Variants in DCDC1 observed in about 807,000 individuals in gnomAD.
DCDC1 encodes the protein doublecortin domain-containing protein 1.
A neutral mutation model predicts 178.3 loss-of-function variants in DCDC1; 200 were observed. The ratio of observed to expected loss-of-function variants is 1.12; its 90% CI spans 1.00 to 1.26. The LOEUF (loss-of-function observed/expected upper bound fraction) is 1.26. Ranked by LOEUF, DCDC1 falls within the 50% of genes most tolerant of loss-of-function variation. DCDC1 has a pLI of 0.00. For synonymous variants in DCDC1, 690 were observed against 604.8 expected, an observed-to-expected ratio of 1.14 and a Z score of -2.07; for missense variants, 1,983 against 1,749.2, an observed-to-expected ratio of 1.13 and a Z score of -2.38.
chr11:31,127,660 G>A (rs1209255366), intron 10 of DCDC1, 21 bp from the exon 11 acceptor site: 1 of 699,704 alleles, frequency 1.4e-6, no homozygotes, highest in African/African-American at 1.7e-5. Flanking sequence ...TAAATTACAA[G>A]AGTTGTTAGC....
chr11:31,195,127 C>A (rs1056403789), intron 9 of DCDC1, among the ~76,000 whole-genome samples: 3 of 152,016 alleles, frequency 2.0e-5, no homozygotes, highest in African/African-American at 7.2e-5. Flanking sequence ...ATACACGTTT[C>A]TAAGGTGAAA....
chr11:30,893,144 T>C (rs908988951), intron 35 of DCDC1, 147 bp from the exon 36 acceptor site: 20 of 779,342 alleles, frequency 2.6e-5, no homozygotes, highest in Non-Finnish European at 3.7e-5. Flanking sequence ...CATTAGCCTC[T>C]CTTGTCACTG....
At chr11:31,005,629 AG>A (rs1951794332) in intron 20 of DCDC1, among the ~76,000 whole-genome samples, 1 of 152,142 alleles carries the variant, frequency 6.6e-6, no homozygotes, top group South Asian at 2.1e-4. Context: ...TAGTATATCA[AG>A]GGGGTAAAAT....
intron 9 of DCDC1, among the ~76,000 whole-genome samples, chr11:31,221,295 G>A (rs770225569): frequency 6.6e-6 from 1 of 152,092 alleles, no homozygotes; most frequent in Non-Finnish European, 1.5e-5. Context: ...CTGTAAACTT[G>A]TGAAACTAGA....
At chr11:31,059,253 A>C (rs1178365543) in intron 20 of DCDC1, among the ~76,000 whole-genome samples, 1 of 152,166 alleles carries the variant, frequency 6.6e-6, no homozygotes, top group African/African-American at 2.4e-5. Context: ...AGATGCAATT[A>C]CATTATTTGT....
chr11:31,162,703 A>G (rs1966417518), intron 9 of DCDC1, among the ~76,000 whole-genome samples: 1 of 152,184 alleles, frequency 6.6e-6, no homozygotes, highest in African/African-American at 2.4e-5. Context: ...CAAAACCAGC[A>G]ATGTATTTCT....
intron 1 of DCDC1, among the ~76,000 whole-genome samples, chr11:31,353,821 G>A (rs901739165): frequency 6.6e-6 from 1 of 152,078 alleles, no homozygotes; most frequent in Non-Finnish European, 1.5e-5. Flanking sequence ...TTGATTACTG[G>A]ATAATAACAA....
chr11:31,021,604 G>A (rs1235150682), intron 20 of DCDC1, among the ~76,000 whole-genome samples: 5 of 152,102 alleles, frequency 3.3e-5, no homozygotes, highest in East Asian at 1.9e-4. Flanking sequence ...ATTTTTTGGT[G>A]GAAGTGGGAA....
chr11:30,867,948 G>A (rs367945980), intron 38 of DCDC1, among the ~76,000 whole-genome samples: 11 of 152,246 alleles, frequency 7.2e-5, no homozygotes, highest in Non-Finnish European at 1.5e-4. Flanking sequence ...CGGCCAGTCA[G>A]CATCAAGTTG....
intron 33 of DCDC1, 97 bp downstream of exon 33, chr11:30,900,246 ATAT>A: frequency 9.3e-7 from 1 of 1,079,248 alleles, no homozygotes; most frequent in South Asian, 2.7e-5. Context: ...TATTATGTTG[ATAT>A]TATACACATT....
At chr11:30,911,528 T>C (rs1945448179) in intron 27 of DCDC1, 108 bp from the exon 28 acceptor site, 3 of 789,044 alleles carry the variant, frequency 3.8e-6, no homozygotes, top group South Asian at 3.0e-5. Flanking sequence ...TGCTCTGTAA[T>C]AATGAATGTG....
intron 24 of DCDC1, 73 bp downstream of exon 24, chr11:30,922,430 C>T: frequency 2.1e-6 from 3 of 1,407,228 alleles, no homozygotes; most frequent in Non-Finnish European, 2.8e-6. Context: ...CAAACTTTGA[C>T]TTTTTAAAAA....
intron 20 of DCDC1, among the ~76,000 whole-genome samples, chr11:30,954,563 T>C (rs1590526114): frequency 1.3e-5 from 2 of 152,222 alleles, no homozygotes; most frequent in East Asian, 3.9e-4. Flanking sequence ...CAATTGTATT[T>C]ATAATTAAAG....
At chr11:31,135,654 A>T (rs775452284) in intron 10 of DCDC1, among the ~76,000 whole-genome samples, 3 of 152,176 alleles carry the variant, frequency 2.0e-5, no homozygotes, top group Non-Finnish European at 4.4e-5. Context: ...ATACACATAC[A>T]TGAATATGTA....
chr11:31,206,826 C>T (rs1483232368), intron 9 of DCDC1, among the ~76,000 whole-genome samples: 1 of 152,152 alleles, frequency 6.6e-6, no homozygotes, highest in Non-Finnish European at 1.5e-5. Context: ...TTAACATGCC[C>T]TTCCATTATA....
intron 20 of DCDC1, among the ~76,000 whole-genome samples, chr11:31,048,621 A>T (rs1210395886): frequency 1.3e-5 from 2 of 152,202 alleles, no homozygotes; most frequent in Non-Finnish European, 2.9e-5. Flanking sequence ...GGAGAGGCCA[A>T]GGTGGGTAGA....
intron 9 of DCDC1, among the ~76,000 whole-genome samples, chr11:31,233,463 T>C (rs1976069845): frequency 6.6e-6 from 1 of 152,186 alleles, no homozygotes; most frequent in Non-Finnish European, 1.5e-5. Flanking sequence ...CACTTCATCA[T>C]TTGAGTTTGT....
chr11:31,104,155 C>T (rs114767125), intron 13 of DCDC1, among the ~76,000 whole-genome samples: 1,663 of 152,170 alleles, frequency 0.011, 32 homozygotes, highest in African/African-American at 0.039. Context: ...TATTTGGCCA[C>T]GAACAACTAT....
intron 20 of DCDC1, among the ~76,000 whole-genome samples, chr11:30,968,711 T>TTTTATATA (rs760434545): frequency 1.6e-5 from 1 of 61,058 alleles, no homozygotes; most frequent in Admixed American, 1.8e-4. Flanking sequence ...ATATATCAAA[T>TTTTATATA]TATATATATA....
Sources: allele counts gnomAD v4.1 joint callset (sites outside exome capture counted in the v4.1 genomes callset), GRCh38; gene constraint gnomAD v4.1.1; transcripts MANE v1.5; gene names NCBI Gene and HGNC (gene_info 2026-07-23, HGNC 2026-07-21).